The following ANKIB1 variants were observed in gnomAD, a reference collection of about 807,000 sequenced individuals.
The protein encoded by ANKIB1 is ankyrin repeat and IBR domain-containing protein 1.
A neutral mutation model predicts 122.1 loss-of-function variants in ANKIB1; 43 were observed. The observed-to-expected ratio is 0.35, with a 90% CI of 0.28 to 0.45. ANKIB1 has a LOEUF of 0.45. Ranked by LOEUF, ANKIB1 falls within the 20% of genes least tolerant of loss-of-function variation. ANKIB1 has a pLI of 1.00. For missense variants in ANKIB1, 992 were observed against 1,329.5 expected (o/e 0.75, Z 3.95); for synonymous variants, 390 against 442.0 (o/e 0.88, Z 1.48).
chr7:92,377,266 G>A (rs1804402182), intron 11 of ANKIB1, among the ~76,000 whole-genome samples: 1 of 152,074 alleles, frequency 6.6e-6, no homozygotes, highest in South Asian at 2.1e-4. Context: ...AGCCCAAGGA[G>A]AGGGAGACAG....
intron 3 of ANKIB1, among the ~76,000 whole-genome samples, chr7:92,316,868 A>G (rs1030800931): frequency 6.6e-6 from 1 of 152,210 alleles, no homozygotes; most frequent in Non-Finnish European, 1.5e-5. Context: ...AGACTAGGGC[A>G]TTAAGTTAAA....
intron 3 of ANKIB1, among the ~76,000 whole-genome samples, chr7:92,315,141 A>C (rs998260815): frequency 5.3e-5 from 8 of 152,238 alleles, no homozygotes; most frequent in African/African-American, 1.9e-4. Flanking sequence ...AAATTAATTA[A>C]CTTTATTTTT....
chr7:92,308,632 T>C (rs1160973896), intron 3 of ANKIB1, among the ~76,000 whole-genome samples: 1 of 152,152 alleles, frequency 6.6e-6, no homozygotes, highest in Admixed American at 6.6e-5. Flanking sequence ...ATATATAGCA[T>C]TATTTATATC....
At chr7:92,362,138 G>C (rs1462226203) in intron 9 of ANKIB1, 47 bp from the exon 10 acceptor site, 1 of 1,522,288 alleles carries the variant, frequency 6.6e-7, no homozygotes, top group Non-Finnish European at 8.9e-7. Flanking sequence ...CCTTGATGTT[G>C]ATGAAGAATA....
intron 11 of ANKIB1, among the ~76,000 whole-genome samples, chr7:92,373,753 T>C (rs1804322922): frequency 6.6e-6 from 1 of 152,228 alleles, no homozygotes; most frequent in Non-Finnish European, 1.5e-5. Flanking sequence ...TGCCTCAGCA[T>C]TGATTATGTA....
intron 11 of ANKIB1, among the ~76,000 whole-genome samples, chr7:92,374,285 T>C (rs1585131889): frequency 1.3e-5 from 2 of 152,196 alleles, no homozygotes; most frequent in East Asian, 3.9e-4. Context: ...GAGACCATCC[T>C]GGCCAACATA....
chr7:92,273,305 A>G (rs1801836016), intron 1 of ANKIB1, among the ~76,000 whole-genome samples: 1 of 151,908 alleles, frequency 6.6e-6, no homozygotes, highest in African/African-American at 2.4e-5. Flanking sequence ...AGGATGGATC[A>G]AGGACTGGTT....
intron 1 of ANKIB1, chr7:92,294,660 A>G (rs1802314953): frequency 2.6e-6 from 1 of 389,118 alleles, no homozygotes; most frequent in African/African-American, 2.1e-5. Flanking sequence ...TGCCTGTGAA[A>G]CCTTAACAGT....
In ANKIB1 at chr7:92,371,624, G is replaced by A. The variant is rs1379506490; in HGVS notation, c.1617+17G>A. ...TGTGCTAAGGTAAGAAGTTAAAGAG[G>A]ATTTTGCATGCTTTGCATTTGGAAT... On this transcript the variant is annotated intron_variant, in intron 11 of 19. Coordinates refer to ENST00000265742, the MANE Select transcript of ANKIB1 (RefSeq NM_019004.2). 6.3e-7 allele frequency: 1 copy of A among 1,586,564 alleles called. No homozygotes were observed. The highest frequency in any genetic ancestry group is 2.3e-5 in the East Asian group (1 of 44,214).
intron 1 of ANKIB1, among the ~76,000 whole-genome samples, chr7:92,294,177 G>T (rs1187863603): frequency 6.6e-6 from 1 of 152,184 alleles, no homozygotes; most frequent in African/African-American, 2.4e-5. Flanking sequence ...CATTGCCCAT[G>T]TGATGATTAT....
chr7:92,355,805 A>G (rs1175750311), intron 9 of ANKIB1, among the ~76,000 whole-genome samples: 1 of 151,242 alleles, frequency 6.6e-6, no homozygotes, highest in Non-Finnish European at 1.5e-5. Context: ...GCCGAGATCA[A>G]GCCACTGCAC....
intron 2 of ANKIB1, among the ~76,000 whole-genome samples, chr7:92,297,046 T>C (rs1802370358): frequency 1.3e-5 from 2 of 152,240 alleles, no homozygotes; most frequent in South Asian, 4.1e-4. Flanking sequence ...CATGCTGATA[T>C]AATAATGGCA....
rs1803943977 is a variant in ANKIB1 at position 92,361,481 on chromosome 7, GTTC to G, written c.1398-699_1398-697del. Among the ~76,000 whole-genome samples, 3 of 152,242 alleles carry G rather than the reference GTTC, an allele frequency of 2.0e-5. No homozygotes were observed. The South Asian group carries it at 6.2e-4, about 32-fold the overall frequency. On this transcript the variant is annotated intron_variant, in intron 9 of 19. Coordinates refer to ENST00000265742, the MANE Select transcript of ANKIB1 (RefSeq NM_019004.2). Reference sequence around the variant, plus strand: ...CTAATCTGTAAATCACATGGGGCCTGTTCTTCTGCATGTCTAAAAAGCTGCTCA... The same window carrying G: ...CTAATCTGTAAATCACATGGGGCCTGTTCTGCATGTCTAAAAAGCTGCTCA...
intron 9 of ANKIB1, among the ~76,000 whole-genome samples, chr7:92,361,387 C>A (rs1186187731): frequency 2.0e-5 from 3 of 152,162 alleles, no homozygotes; most frequent in Non-Finnish European, 2.9e-5. Context: ...AGTAATTCAA[C>A]TTAAAACAGT....
At chr7:92,349,399 C>A (rs921509070) in intron 7 of ANKIB1, among the ~76,000 whole-genome samples, 2 of 152,100 alleles carry the variant, frequency 1.3e-5, no homozygotes, top group South Asian at 2.1e-4. Context: ...GCAAAGGGAA[C>A]GGGCCTGCCA....
chr7:92,388,606 C>T (rs1235610934), intron 14 of ANKIB1, among the ~76,000 whole-genome samples: 1 of 152,104 alleles, frequency 6.6e-6, no homozygotes, highest in Non-Finnish European at 1.5e-5. Context: ...GTATTGACAA[C>T]ATCATTAGAA....
Position 92,398,488 on chromosome 7 carries a change from C to T in ANKIB1, c.2809C>T (p.Leu937=), listed in dbSNP as rs1368976380. ...AENDPFSTDT[L]SSHPLSEARS... is the part of the protein sequence containing the mutation. The stretch of plus-strand genomic sequence containing the variant: ...GAATGACCCATTTTCAACTGACACC[C>T]TGAGCTCACACCCTCTCAGTGAGGC... Residue 937 remains leucine (L), a synonymous_variant, in exon 20 of 20, where the codon CTG becomes TTG. Coordinates refer to ENST00000265742, the MANE Select transcript of ANKIB1 (RefSeq NM_019004.2). 4 of 1,613,970 alleles carry T rather than the reference C, an allele frequency of 2.5e-6. No individual in the cohort carries two copies. Among genetic ancestry groups the T allele is most frequent in the Non-Finnish European group, 3.4e-6 (4 of 1,179,874 alleles).
At chr7:92,283,971 A>T (rs1254681970) in intron 1 of ANKIB1, among the ~76,000 whole-genome samples, 1 of 151,964 alleles carries the variant, frequency 6.6e-6, no homozygotes, top group Non-Finnish European at 1.5e-5. Flanking sequence ...GGGTTTCATC[A>T]TGTTGGCCAG....
At chr7:92,366,759 A>T (rs896330998) in intron 10 of ANKIB1, among the ~76,000 whole-genome samples, 1 of 152,148 alleles carries the variant, frequency 6.6e-6, no homozygotes, top group Non-Finnish European at 1.5e-5. Context: ...AATTACCCCG[A>T]TTTTACAGAG....
Sources: gnomAD v4.1 joint callset for allele counts (sites outside exome capture counted in the v4.1 genomes callset) on GRCh38, gnomAD v4.1.1 for gene constraint, MANE v1.5 for transcripts, NCBI Gene and HGNC (gene_info 2026-07-23, HGNC 2026-07-21) for gene names.